The following PLPP1 variants were observed in gnomAD, a reference collection of about 807,000 sequenced individuals.
PLPP1 encodes the protein lipid phosphate phosphohydrolase 1a.
A neutral mutation model predicts 31.2 loss-of-function variants in PLPP1; 24 were observed. The observed-to-expected ratio is 0.77, with a 90% CI of 0.56 to 1.08. PLPP1 has a LOEUF of 1.08. Among genes scored for constraint, PLPP1 ranks in the 50% least tolerant of loss-of-function variants. PLPP1 has a pLI of 0.00. For synonymous variants in PLPP1, 146 were observed against 126.3 expected, an observed-to-expected ratio of 1.16 and a Z score of -1.05; for missense variants, 319 against 342.7, an observed-to-expected ratio of 0.93 and a Z score of 0.55.
At chr5:55,498,276 T>C (rs1753045066) in intron 1 of PLPP1, among the ~76,000 whole-genome samples, 1 of 152,000 alleles carries the variant, frequency 6.6e-6, no homozygotes, top group South Asian at 2.1e-4. Context: ...AATACTAGTG[T>C]ATATTAGAGA....
In PLPP1 at chr5:55,429,730, C is replaced by G. The variant is rs529227287; in HGVS notation, c.550-3691G>C. ...ATCTCTGAAGCCCCATTAAAGTCCCCCACCCACAGCTGGGTGCTGCCGCAG... is the reference window on the plus strand; with the variant it reads ...ATCTCTGAAGCCCCATTAAAGTCCCGCACCCACAGCTGGGTGCTGCCGCAG... On this transcript the variant is annotated intron_variant, in intron 4 of 5. Coordinates refer to ENST00000307259, the MANE Select transcript of PLPP1 (RefSeq NM_003711.4). Among the ~76,000 whole-genome samples the G allele has an allele frequency of 5.3e-5, 8 of 152,218 alleles. No individual in the cohort carries two copies. In the South Asian group the frequency reaches 1.7e-3, roughly 32 times the overall value.
intron 1 of PLPP1, among the ~76,000 whole-genome samples, chr5:55,513,978 T>G (rs1346317626): frequency 6.6e-6 from 1 of 152,158 alleles, no homozygotes; most frequent in African/African-American, 2.4e-5. Flanking sequence ...GCAATCAAAC[T>G]TACGGAAATC....
chr5:55,456,434 A>G (rs1166818982), intron 3 of PLPP1, among the ~76,000 whole-genome samples: 1 of 152,194 alleles, frequency 6.6e-6, no homozygotes, highest in African/African-American at 2.4e-5. Context: ...ATGACTCATT[A>G]TGGGTGCTTA....
intron 4 of PLPP1, among the ~76,000 whole-genome samples, chr5:55,427,052 G>A (rs1421344898): frequency 1.3e-5 from 2 of 149,956 alleles, no homozygotes; most frequent in African/African-American, 2.5e-5. Flanking sequence ...AAGGTTTTAT[G>A]TAGAAATGAT....
chr5:55,468,342 T>A, intron 2 of PLPP1, 193 bp from the exon 3 acceptor site: 1 of 522,316 alleles, frequency 1.9e-6, no homozygotes, highest in Non-Finnish European at 3.3e-6. Context: ...ACAGGTGTCA[T>A]ATCAATGGTG....
chr5:55,498,998 T>G (rs1753062246), intron 1 of PLPP1, among the ~76,000 whole-genome samples: 1 of 152,102 alleles, frequency 6.6e-6, no homozygotes, highest in Non-Finnish European at 1.5e-5. Flanking sequence ...CTTTCCTCAA[T>G]GAGAAAAGAA....
In PLPP1 at chr5:55,521,081, G is replaced by A. The variant is rs192226568; in HGVS notation, c.58+13491C>T. Among the ~76,000 whole-genome samples the A allele has an allele frequency of 2.7e-3, 418 of 152,182 alleles. 4 individuals carry two copies. Among genetic ancestry groups the A allele is most frequent in the Non-Finnish European group, 3.9e-3 (266 of 68,004 alleles). ...TCAAAAATTAGCCGGAGCTGGGGGC[G>A]GTGGCTCATGCCTGTAATCTCAGCA... is the stretch of plus-strand genomic sequence containing the variant. On this transcript the variant is annotated intron_variant, in intron 1 of 5. Coordinates refer to ENST00000307259, the MANE Select transcript of PLPP1 (RefSeq NM_003711.4).
At chr5:55,504,781 C>T (rs1753235428) in intron 1 of PLPP1, among the ~76,000 whole-genome samples, 1 of 149,698 alleles carries the variant, frequency 6.7e-6, no homozygotes, top group Non-Finnish European at 1.5e-5. Flanking sequence ...GATATTTCCA[C>T]TTTTGATATT....
intron 1 of PLPP1, among the ~76,000 whole-genome samples, chr5:55,477,972 T>C (rs560191759): frequency 3.0e-4 from 44 of 147,166 alleles, no homozygotes; most frequent in Non-Finnish European, 6.3e-4. Context: ...AGAGTGACAC[T>C]CTGTCTTAAA....
At chr5:55,429,874 C>G (rs1412488937) in intron 4 of PLPP1, among the ~76,000 whole-genome samples, 2 of 152,110 alleles carry the variant, frequency 1.3e-5, no homozygotes, top group Non-Finnish European at 2.9e-5. Context: ...TGCTCCCAAC[C>G]CACCTGTTTA....
chr5:55,448,449 C>CCT (rs568192581), intron 3 of PLPP1, among the ~76,000 whole-genome samples: 24 of 128,214 alleles, frequency 1.9e-4, no homozygotes, highest in African/African-American at 7.0e-4. Flanking sequence ...ATTCTAGCAC[C>CCT]TTTTTTTTTT....
At chr5:55,468,524 G>A (rs35441344) in intron 2 of PLPP1, among the ~76,000 whole-genome samples, 8,371 of 152,080 alleles carry the variant, frequency 0.055, 404 homozygotes, top group Admixed American at 0.11. Flanking sequence ...ACTTCCAGCC[G>A]GGTGTGGTGG....
intron 1 of PLPP1, among the ~76,000 whole-genome samples, chr5:55,524,675 T>C (rs1297626688): frequency 1.3e-5 from 2 of 152,054 alleles, no homozygotes; most frequent in Non-Finnish European, 2.9e-5. Context: ...CCCGACGTGG[T>C]GGTGGGCACC....
At chr5:55,501,925 T>C (rs1753155386) in intron 1 of PLPP1, among the ~76,000 whole-genome samples, 1 of 152,202 alleles carries the variant, frequency 6.6e-6, no homozygotes, top group Non-Finnish European at 1.5e-5. Context: ...ATACAAGCCA[T>C]AACAGTGCTT....
At chr5:55,514,181 C>A (rs1042182781) in intron 1 of PLPP1, among the ~76,000 whole-genome samples, 15 of 152,098 alleles carry the variant, frequency 9.9e-5, no homozygotes, top group Non-Finnish European at 4.4e-5. Flanking sequence ...GAGTGCAAGA[C>A]CTGCCTAGAC....
chr5:55,474,277 A>G (rs557414349), intron 2 of PLPP1, among the ~76,000 whole-genome samples: 11 of 152,178 alleles, frequency 7.2e-5, no homozygotes, highest in African/African-American at 2.6e-4. Context: ...GATTACAGGC[A>G]TGAGTCATTG....
chr5:55,427,227 C>A (rs1451367145), intron 4 of PLPP1, among the ~76,000 whole-genome samples: 7 of 152,116 alleles, frequency 4.6e-5, no homozygotes, highest in African/African-American at 1.7e-4. Flanking sequence ...ATATACATAG[C>A]TCTCCCCATG....
chr5:55,443,419 C>G (rs1187892680), intron 3 of PLPP1, among the ~76,000 whole-genome samples: 1 of 151,860 alleles, frequency 6.6e-6, no homozygotes, highest in Non-Finnish European at 1.5e-5. Context: ...TTTGACCACA[C>G]AGAATGGATC....
intron 4 of PLPP1, among the ~76,000 whole-genome samples, chr5:55,434,073 GAGCCGAGA>G (rs1367172469): frequency 2.8e-4 from 42 of 149,794 alleles, no homozygotes; most frequent in South Asian, 8.5e-4. Context: ...AGGTTGCAGT[GAGCCGAGA>G]TCGCACCACT....
Sources: gnomAD v4.1 joint callset for allele counts (sites outside exome capture counted in the v4.1 genomes callset) on GRCh38, gnomAD v4.1.1 for gene constraint, MANE v1.5 for transcripts, NCBI Gene and HGNC (gene_info 2026-07-23, HGNC 2026-07-21) for gene names.